Variants in COL19A1 observed in about 807,000 individuals in gnomAD.
COL19A1 encodes the protein collagen type XIX alpha 1 chain, also known as collagen alpha-1(XIX) chain.
Under a neutral mutation model 190.2 loss-of-function variants are expected in COL19A1, and 159 were observed. The ratio of observed to expected loss-of-function variants is 0.84; its 90% CI spans 0.73 to 0.95. The LOEUF is 0.95. Ranked by LOEUF, COL19A1 falls within the 40% of genes least tolerant of loss-of-function variation. COL19A1 has a pLI of 0.00. For synonymous variants in COL19A1, 509 were observed against 458.9 expected (o/e 1.11, Z -1.39); for missense variants, 1,418 against 1,431.9 (o/e 0.99, Z 0.16).
intron 35 of COL19A1, among the ~76,000 whole-genome samples, chr6:70,162,792 G>A (rs1007737923): frequency 2.6e-5 from 4 of 151,958 alleles, no homozygotes; most frequent in Non-Finnish European, 5.9e-5. Context: ...TTATGCTTCC[G>A]CCACAGTTAT....
intron 7 of COL19A1, among the ~76,000 whole-genome samples, chr6:69,934,019 G>T (rs931028451): frequency 1.3e-4 from 20 of 151,966 alleles, no homozygotes; most frequent in African/African-American, 4.6e-4. Flanking sequence ...AAAATTATAT[G>T]AAAATTTTAT....
intron 11 of COL19A1, among the ~76,000 whole-genome samples, chr6:69,985,455 C>G (rs1776262712): frequency 1.3e-5 from 2 of 152,162 alleles, no homozygotes; most frequent in African/African-American, 2.4e-5. Context: ...GACTCAGAGA[C>G]TTTTCAGTCA....
chr6:70,051,116 C>T (rs758115653), intron 14 of COL19A1, among the ~76,000 whole-genome samples: 14 of 152,150 alleles, frequency 9.2e-5, no homozygotes, highest in South Asian at 8.3e-4. Flanking sequence ...ATTCAATTTC[C>T]TTTAGCTGTA....
intron 23 of COL19A1, 104 bp from the exon 24 acceptor site, chr6:70,144,106 A>G: frequency 1.0e-6 from 1 of 954,578 alleles, no homozygotes; most frequent in Non-Finnish European, 1.6e-6. Context: ...TTAATAGGTT[A>G]TATGTTAAAA....
chr6:69,869,442 C>T lies in COL19A1; in HGVS notation c.-33+2802C>T, dbSNP rs1767683008. ...GACTATTAGGCCTCTCTTATCTATGCATACGTTATGAAGCACAAAGGATTT... is the reference window on the plus strand; with the variant it reads ...GACTATTAGGCCTCTCTTATCTATGTATACGTTATGAAGCACAAAGGATTT... On this transcript the variant is annotated intron_variant, in intron 1 of 50. Transcript: ENST00000620364. 2.0e-5 allele frequency among the ~76,000 whole-genome samples: 3 copies of T among 152,110 alleles called. No homozygotes were observed. The South Asian group carries it at 6.2e-4, about 32-fold the overall frequency.
intron 11 of COL19A1, among the ~76,000 whole-genome samples, chr6:70,022,634 G>T (rs986362569): frequency 9.2e-5 from 14 of 152,118 alleles, no homozygotes; most frequent in Admixed American, 2.6e-4. Flanking sequence ...ATCCACAGTG[G>T]TATTAGTGAC....
intron 14 of COL19A1, among the ~76,000 whole-genome samples, chr6:70,058,700 T>C (rs1483166904): frequency 6.6e-6 from 1 of 152,022 alleles, no homozygotes; most frequent in Non-Finnish European, 1.5e-5. Context: ...CTGGTCACCC[T>C]CTAATTTATT....
chr6:70,081,106 C>T (rs543187780), intron 15 of COL19A1, among the ~76,000 whole-genome samples: 1 of 152,188 alleles, frequency 6.6e-6, no homozygotes, highest in East Asian at 1.9e-4. Flanking sequence ...CTGAGTGCGT[C>T]TAATATACTT....
intron 1 of COL19A1, among the ~76,000 whole-genome samples, chr6:69,869,409 G>A (rs1290589487): frequency 1.3e-5 from 2 of 152,180 alleles, no homozygotes; most frequent in Non-Finnish European, 2.9e-5. Flanking sequence ...TATGATGTAT[G>A]CAGAGTGGAC....
At chr6:70,113,465 T>G (rs887099262) in intron 16 of COL19A1, among the ~76,000 whole-genome samples, 1 of 152,208 alleles carries the variant, frequency 6.6e-6, no homozygotes, top group African/African-American at 2.4e-5. Flanking sequence ...TGCAATTTCA[T>G]GCTCCTTGGA....
chr6:69,929,584 T>G lies in COL19A1; in HGVS notation c.550T>G (p.Ser184Ala), dbSNP rs772373887. 1 of 1,614,046 alleles carries G rather than the reference T, an allele frequency of 6.2e-7. No individual in the cohort carries two copies. Among genetic ancestry groups the G allele is most frequent in the Non-Finnish European group, 8.5e-7 (1 of 1,179,964 alleles). ...LGISIQSQVI[S>A]LYMDCNLIAR... ...CATTAGTATACAATCCCAGGTCATTTCACTTTATATGGATTGTAATTTAAT... is the reference window on the plus strand; with the variant it reads ...CATTAGTATACAATCCCAGGTCATTGCACTTTATATGGATTGTAATTTAAT... Residue 184 changes from serine (S) to alanine (A), a missense_variant, in exon 6 of 51, where the codon TCA (serine) becomes GCA (alanine). Coordinates refer to ENST00000620364, the MANE Select transcript of COL19A1 (RefSeq NM_001858.6).
chr6:70,156,468 A>G (rs2150252859), intron 33 of COL19A1, 99 bp downstream of exon 33: 2 of 923,114 alleles, frequency 2.2e-6, no homozygotes, highest in Non-Finnish European at 3.3e-6. Flanking sequence ...AATACATACT[A>G]TATATATATA....
In COL19A1 at chr6:70,190,328, C is replaced by T. The variant is rs887564844; in HGVS notation, c.3041C>T (p.Ser1014Leu). ...GIPGIPADAVSFEEIKKYINQ... is the reference protein window; with the variant it reads ...GIPGIPADAVLFEEIKKYINQ... Reference sequence around the variant, plus strand: ...TTCCTTCTTCAGGCTGATGCAGTTTCATTTGAAGAAATAAAGAAGTATATT... The same window carrying T: ...TTCCTTCTTCAGGCTGATGCAGTTTTATTTGAAGAAATAAAGAAGTATATT... The change falls in exon 48 of 51, where the codon TCA (serine) becomes TTA (leucine). Residue 1014 changes from serine (S) to leucine (L), a missense_variant. By Grantham distance (145) the Ser-to-Leu change is moderately radical. Transcript: ENST00000620364. The T allele has an allele frequency of 1.9e-6, 3 of 1,602,658 alleles. No individual in the cohort carries two copies. In the African/African-American group the frequency reaches 4.0e-5, roughly 22 times the overall value.
intron 40 of COL19A1, among the ~76,000 whole-genome samples, chr6:70,171,014 C>A (rs1419560632): frequency 1.3e-5 from 2 of 152,138 alleles, no homozygotes; most frequent in Non-Finnish European, 2.9e-5. Context: ...AACAACTCCC[C>A]ACTTTATCTC....
At chr6:70,023,564 A>AT in intron 11 of COL19A1, 63 bp from the exon 12 acceptor site, 1 of 1,392,896 alleles carries the variant, frequency 7.2e-7, no homozygotes, top group Admixed American at 2.1e-5. Context: ...ACATAACTTT[A>AT]TTTTTTGCTA....
chr6:70,008,722 C>G (rs146677348), intron 11 of COL19A1, among the ~76,000 whole-genome samples: 17 of 151,794 alleles, frequency 1.1e-4, no homozygotes, highest in African/African-American at 3.9e-4. Context: ...AGTCAAAGAC[C>G]TCAGAAAAGT....
In COL19A1 at chr6:69,908,004, C is replaced by T. The variant is rs979512932; in HGVS notation, c.266+7666C>T. 3.9e-5 allele frequency among the ~76,000 whole-genome samples: 6 copies of T among 152,150 alleles called. No individual in the cohort carries two copies. In the East Asian group the frequency reaches 1.2e-3, roughly 29 times the overall value. The stretch of plus-strand genomic sequence containing the variant: ...ATAGAAGGCAACTGAGATGTATTGC[C>T]TTCTATTGTTCAAGCTTAGACTGCA... On this transcript the variant is annotated intron_variant, in intron 4 of 50. Coordinates refer to ENST00000620364, the MANE Select transcript of COL19A1 (RefSeq NM_001858.6).
chr6:70,031,620 G>T (rs995341520), intron 12 of COL19A1, among the ~76,000 whole-genome samples: 1 of 152,108 alleles, frequency 6.6e-6, no homozygotes, highest in Non-Finnish European at 1.5e-5. Context: ...TTCCATCCAT[G>T]TTGCTGCAAA....
intron 11 of COL19A1, among the ~76,000 whole-genome samples, chr6:69,987,617 ACATAAGCACCACCGTTTG>A (rs1202860877): frequency 6.6e-6 from 1 of 152,232 alleles, no homozygotes; most frequent in East Asian, 1.9e-4. Flanking sequence ...AATGTGAAAG[ACATAAGCACCACCGTTTG>A]TATCACAGCT....
Sources: gnomAD v4.1 joint callset for allele counts (sites outside exome capture counted in the v4.1 genomes callset) on GRCh38, gnomAD v4.1.1 for gene constraint, MANE v1.5 for transcripts, NCBI Gene and HGNC (gene_info 2026-07-23, HGNC 2026-07-21) for gene names.